The following SMTN variants were observed in gnomAD, a reference collection of about 807,000 sequenced individuals.
SMTN encodes smoothelin.
Under a neutral mutation model 102.0 loss-of-function variants are expected in SMTN, and 58 were observed. The ratio of observed to expected loss-of-function variants is 0.57; its 90% CI spans 0.46 to 0.71. SMTN has a LOEUF of 0.71. SMTN is among the 30% of genes least tolerant of loss of function. The pLI is 0.00. For missense variants in SMTN, 1,185 were observed against 1,241.7 expected (o/e 0.95, Z 0.69); for synonymous variants, 478 against 497.9 (o/e 0.96, Z 0.53).
chr22:31,091,050 A>C lies in SMTN; in HGVS notation c.1027A>C (p.Met343Leu), dbSNP rs771103463. 3.1e-6 allele frequency: 5 copies of C among 1,613,766 alleles called. No individual in the cohort carries two copies. The South Asian group carries it at 5.5e-5, about 18-fold the overall frequency. Residue 343 changes from methionine (M) to leucine (L), a missense_variant, in exon 10 of 21, where the codon ATG becomes CTG. Met to Leu is a conservative substitution (Grantham distance 15). Transcript: ENST00000333137. The part of the protein sequence containing the change: ...RVHKFTSDSP[M>L]AARLQDGTPQ... ...CCACAAGTTCACATCTGATTCTCCTATGGCTGCTAGGCTCCAGGATGGCAC... is the reference window on the plus strand; with the variant it reads ...CCACAAGTTCACATCTGATTCTCCTCTGGCTGCTAGGCTCCAGGATGGCAC...
At chr22:31,104,221 C>T (rs987262378) in intron 20 of SMTN, 95 bp from the exon 21 acceptor site, 17 of 1,393,082 alleles carry the variant, frequency 1.2e-5, no homozygotes, top group Non-Finnish European at 1.7e-5. Flanking sequence ...GAAAGACCAG[C>T]AGGCAATGCG....
chr22:31,074,016 C>A (rs2042070024), intron 1 of SMTN, among the ~76,000 whole-genome samples: 1 of 152,216 alleles, frequency 6.6e-6, no homozygotes, highest in Non-Finnish European at 1.5e-5. Flanking sequence ...TAAGTGGAAT[C>A]TCTTAAGGCC....
chr22:31,068,454 C>T (rs1279681918), intron 1 of SMTN: 1 of 152,122 alleles, frequency 6.6e-6, no homozygotes, highest in Non-Finnish European at 1.5e-5. Flanking sequence ...CCTGAGGCTC[C>T]TTTCTGAGCT....
At chr22:31,082,958 C>A in intron 1 of SMTN, 1 of 1,495,470 alleles carries the variant, frequency 6.7e-7, no homozygotes, top group Admixed American at 2.0e-5. Flanking sequence ...AGACTGGCGG[C>A]CAAGCTGGCA....
At chr22:31,091,596 G>A in intron 10 of SMTN, 79 bp from the exon 11 acceptor site, 1 of 1,518,546 alleles carries the variant, frequency 6.6e-7, no homozygotes, top group Non-Finnish European at 8.9e-7. Context: ...TGTGCTGGGA[G>A]CGAGGGCATT....
At chr22:31,097,373 A>T in intron 16 of SMTN, 35 bp downstream of exon 16, 2 of 1,585,926 alleles carry the variant, frequency 1.3e-6, no homozygotes, top group Non-Finnish European at 1.7e-6. Flanking sequence ...ACCATAGAGG[A>T]GTCAGTGCCA....
chr22:31,101,987 G>A (rs549983288), intron 20 of SMTN: 1 of 152,236 alleles, frequency 6.6e-6, no homozygotes, highest in East Asian at 1.9e-4. Context: ...GGTTTGGAGA[G>A]GGAGAGGGAA....
In SMTN at chr22:31,090,122, C is replaced by A. The variant is rs754384770; in HGVS notation, c.807C>A (p.Pro269=). 9 of 1,612,538 alleles carry A rather than the reference C, an allele frequency of 5.6e-6. No homozygotes were observed. The highest frequency in any genetic ancestry group is 1.1e-5 in the South Asian group (1 of 90,896). ...CTCCCTTGCAGCTTCTGTCTGGCCC[C>A]AAAGAGACCCCTGCTGCCCAGAGCC... is the stretch of plus-strand genomic sequence containing the variant. The part of the protein sequence containing the change: ...GQVVNKLLSG[P]KETPAAQSPT... The change falls in exon 8 of 21, where the codon CCC becomes CCA. Residue 269 remains proline (P), a synonymous_variant. Coordinates refer to ENST00000333137, the MANE Select transcript of SMTN (RefSeq NM_134269.3).
chr22:31,095,512 C>T lies in SMTN; in HGVS notation c.1786-22C>T. 1 of 1,614,136 alleles carries T rather than the reference C, an allele frequency of 6.2e-7. No homozygotes were observed. Among genetic ancestry groups the T allele is most frequent in the Non-Finnish European group, 8.5e-7 (1 of 1,179,970 alleles). On this transcript the variant is annotated intron_variant, in intron 12 of 20. Coordinates refer to ENST00000333137, the MANE Select transcript of SMTN (RefSeq NM_134269.3). This position sits in a 1 kb window ranked among gnomAD's most constrained non-coding sequence, Gnocchi z 4.1. ...CAGAGGCCAGCAGGCACCAGGTAGGCAATGATGGGCTCTATATGCAGCTGG... is the reference window on the plus strand; with the variant it reads ...CAGAGGCCAGCAGGCACCAGGTAGGTAATGATGGGCTCTATATGCAGCTGG...
At position 31,091,761 on chromosome 22, in the gene SMTN, G is replaced by A. The variant is rs531124317; in HGVS notation, c.1546G>A (p.Gly516Arg). 314 of 1,612,526 alleles carry A rather than the reference G, an allele frequency of 1.9e-4. 2 individuals carry two copies. In the South Asian group the frequency reaches 2.8e-3, roughly 14 times the overall value. ...CACCATCACCCGTGTCAACAGCCCT[G>A]GGACCCTGGCTCGGCTGGGCAGTGT... ...KSTITRVNSP[G>R]TLARLGSVTH... is the part of the protein sequence containing the mutation. Residue 516 changes from glycine (G) to arginine (R), a missense_variant, in exon 11 of 21, where the codon GGG becomes AGG. Gly to Arg is a moderately radical substitution (Grantham distance 125). Transcript: ENST00000333137.
chr22:31,102,990 A>C (rs2044218418), intron 20 of SMTN: 1 of 152,308 alleles, frequency 6.6e-6, no homozygotes, highest in African/African-American at 2.4e-5. Context: ...CAAATGAGAT[A>C]GAGAATAACT....
rs747848868 is a variant in SMTN at position 31,099,751 on chromosome 22, G to A, written c.2458G>A (p.Asp820Asn). The A allele has an allele frequency of 4.0e-5, 64 of 1,613,846 alleles. No homozygotes were observed. Among genetic ancestry groups the A allele is most frequent in the African/African-American group, 5.3e-5 (4 of 74,922 alleles). ...GTCCTCCTACGGCTTATAGCACGTCGACATCCAGAACTTCTCCTCCAGCTG... is the reference window on the plus strand; with the variant it reads ...GTCCTCCTACGGCTTATAGCACGTCAACATCCAGAACTTCTCCTCCAGCTG... ...RAKTRGYEHV[D>N]IQNFSSSWSD... The change falls in exon 19 of 21, where the codon GAC becomes AAC. Residue 820 changes from aspartate (D) to asparagine (N), a missense_variant. By Grantham distance (23) the Asp-to-Asn change is conservative. Coordinates refer to ENST00000333137, the MANE Select transcript of SMTN (RefSeq NM_134269.3).
Position 31,096,770 on chromosome 22 carries a change from G to A in SMTN, c.1899G>A (p.Glu633=). Residue 633 remains glutamate (E), a synonymous_variant, in exon 14 of 21, where the codon GAG becomes GAA. Coordinates refer to ENST00000333137, the MANE Select transcript of SMTN (RefSeq NM_134269.3). ...AGGAGCGGGAACGGCGGCTGCAGGAGGCACGGGGCCGGCCAGGGGAGGGGC... is the reference window on the plus strand; with the variant it reads ...AGGAGCGGGAACGGCGGCTGCAGGAAGCACGGGGCCGGCCAGGGGAGGGGC... The part of the protein sequence containing the change: ...RDKERERRLQ[E]ARGRPGEGRG... 6.4e-7 allele frequency: 1 copy of A among 1,558,832 alleles called. No individual in the cohort carries two copies. Among genetic ancestry groups the A allele is most frequent in the Non-Finnish European group, 8.7e-7 (1 of 1,155,544 alleles).
Position 31,098,729 on chromosome 22 carries a change from G to C in SMTN, c.2222G>C (p.Arg741Pro), listed in dbSNP as rs200308430. 2.5e-6 allele frequency: 4 copies of C among 1,613,258 alleles called. No homozygotes were observed. The highest frequency in any genetic ancestry group is 1.7e-5 in the Admixed American group (1 of 59,976). The stretch of plus-strand genomic sequence containing the variant: ...GGCAGCCTGGCGGCGCTCGAGAAAC[G>C]GCAGGCCGAGAAGAAGAAAGAGCTG... ...RAGSLAALEKRQAEKKKELMK... is the reference protein window; with the variant it reads ...RAGSLAALEKPQAEKKKELMK... Residue 741 changes from arginine (R) to proline (P), a missense_variant, in exon 17 of 21, where the codon CGG becomes CCG. Arg to Pro is a moderately radical substitution (Grantham distance 103). Coordinates refer to ENST00000333137, the MANE Select transcript of SMTN (RefSeq NM_134269.3).
Position 31,100,876 on chromosome 22 carries a change from C to G in SMTN, c.2604-9C>G, listed in dbSNP as rs1399680313. The G allele has an allele frequency of 1.9e-6, 3 of 1,554,414 alleles. No individual in the cohort carries two copies. Among genetic ancestry groups the G allele is most frequent in the Admixed American group, 1.8e-5 (1 of 55,572 alleles). On this transcript the variant is annotated splice_polypyrimidine_tract_variant and intron_variant, in intron 19 of 20. Transcript: ENST00000333137. ...CCCCCACCCCTTCCCGGCCCCCTACCCTCCCCAGGACCCATGCGGACTGCC... is the reference window on the plus strand; with the variant it reads ...CCCCCACCCCTTCCCGGCCCCCTACGCTCCCCAGGACCCATGCGGACTGCC...
rs754744824 is a variant in SMTN, at chr22:31,097,034, A to G, written c.2063A>G (p.Glu688Gly). The G allele has an allele frequency of 1.9e-6, 3 of 1,614,122 alleles. No homozygotes were observed. The highest frequency in any genetic ancestry group is 2.5e-6 in the Non-Finnish European group (3 of 1,180,006). The change falls in exon 15 of 21, where the codon GAG becomes GGG. Residue 688 changes from glutamate (E) to glycine (G), a missense_variant. By Grantham distance (98) the Glu-to-Gly change is moderately conservative. Transcript: ENST00000333137. ...CGGACGGCCCGCACCACCACAGTGG[A>G]GTCGAGTTTCGTGAGGCGCTCGGAG... Reference protein sequence around the residue: ...GTRTARTTTVESSFVRRSENG... With the variant: ...GTRTARTTTVGSSFVRRSENG...
rs1226514240 is a variant in SMTN, at chr22:31,091,136, C to G, written c.1113C>G (p.Ser371Arg). The G allele has an allele frequency of 2.5e-6, 4 of 1,613,874 alleles. No homozygotes were observed. The highest frequency in any genetic ancestry group is 3.4e-6 in the Non-Finnish European group (4 of 1,179,866). ...GGCTCCTGGGCCCCTCCCTCACCAG[C>G]ACCACCCCTGCCTCCTCCTCCAGCG... ...PARLLGPSLT[S>R]TTPASSSSGS... The change falls in exon 10 of 21, where the codon AGC (serine) becomes AGG (arginine). Residue 371 changes from serine (S) to arginine (R), a missense_variant. Transcript: ENST00000333137.
chr22:31,079,661 A>G (rs1296671808), upstream of SMTN, among the ~76,000 whole-genome samples: 1 of 152,266 alleles, frequency 6.6e-6, no homozygotes, highest in Non-Finnish European at 1.5e-5. Context: ...CATCTCGCCC[A>G]GGTAGAGAAA....
At chr22:31,066,406 C>G (rs970578839) in intron 1 of SMTN, 6 of 152,028 alleles carry the variant, frequency 3.9e-5, no homozygotes, top group African/African-American at 1.4e-4. Context: ...CTCCCAGATT[C>G]AAGCAATTCT....
Sources: gnomAD v4.1 joint callset for allele counts (sites outside exome capture counted in the v4.1 genomes callset) on GRCh38, gnomAD v4.1.1 for gene constraint, Gnocchi (gnomAD v3.1) non-coding constraint, MANE v1.5 for transcripts, NCBI Gene and HGNC (gene_info 2026-07-23, HGNC 2026-07-21) for gene names.